FGFR1: variants seen among roughly 807,000 people sequenced by gnomAD.
FGFR1 encodes the protein FGFR1/PLAG1 fusion.
In FGFR1, 18 loss-of-function variants were observed where a neutral mutation model predicts 93.7. The ratio of observed to expected loss-of-function variants is 0.19; its 90% CI spans 0.13 to 0.28. The LOEUF is 0.28. Ranked by LOEUF, FGFR1 falls within the 10% of genes least tolerant of loss-of-function variation. The probability of loss-of-function intolerance (pLI) is 1.00; values close to 1 mark genes in which losing one functional copy is unlikely to be tolerated. For missense variants in FGFR1, 731 were observed against 1,080.4 expected, an observed-to-expected ratio of 0.68 and a Z score of 4.53; for synonymous variants, 448 against 429.3, an observed-to-expected ratio of 1.04 and a Z score of -0.54.
At chr8:38,414,354 C>T (rs1192808370) in intron 15 of FGFR1, 65 bp from the exon 16 acceptor site, 2 of 1,611,350 alleles carry the variant, frequency 1.2e-6, no homozygotes, top group Non-Finnish European at 1.7e-6. Context: ...CAGCACAAAT[C>T]CTCTACCCAG....
At chr8:38,422,959 C>A in intron 7 of FGFR1, 1 of 762,236 alleles carries the variant, frequency 1.3e-6, no homozygotes, top group Non-Finnish European at 2.4e-6. Flanking sequence ...GGCTTCCCCG[C>A]CTGCCCCAGC....
At chr8:38,418,929 G>C (rs564635964) in intron 9 of FGFR1, among the ~76,000 whole-genome samples, 2 of 152,186 alleles carry the variant, frequency 1.3e-5, no homozygotes, top group Non-Finnish European at 2.9e-5. Flanking sequence ...GGAGGTCATT[G>C]ACTCATGGGG....
At chr8:38,433,153 C>T (rs2151012158) in intron 2 of FGFR1, among the ~76,000 whole-genome samples, 1 of 152,190 alleles carries the variant, frequency 6.6e-6, no homozygotes, top group Middle Eastern at 3.4e-3. Flanking sequence ...GCCTAGGCAA[C>T]ATAGTGAGAC....
At chr8:38,438,001 T>C (rs1027294161) in intron 2 of FGFR1, among the ~76,000 whole-genome samples, 4 of 152,152 alleles carry the variant, frequency 2.6e-5, no homozygotes, top group African/African-American at 9.7e-5. Context: ...CCATATATTA[T>C]CTAGGGATCC....
At chr8:38,456,715 C>T (rs774389154) in intron 2 of FGFR1, among the ~76,000 whole-genome samples, 8 of 152,162 alleles carry the variant, frequency 5.3e-5, no homozygotes, top group Non-Finnish European at 8.8e-5. Flanking sequence ...GGACTAGCAG[C>T]GTGCACCATC....
chr8:38,426,126 G>A lies in FGFR1; in HGVS notation c.741C>T (p.Val247=), dbSNP rs745325958. Residue 247 remains valine, a synonymous_variant, in exon 6 of 18, where the codon GTC becomes GTT. Coordinates refer to ENST00000447712, the MANE Select transcript of FGFR1 (RefSeq NM_023110.3). The surrounding 1 kb of genome is among the most constrained non-coding windows in gnomAD (Gnocchi z 4.1). ...CTGCTGCCTCTGCCCTCTTACCCAC[G>A]ACATCCAGCTGGTATGTGTGGTTGA... ...GSINHTYQLD[V]VERSPHRPIL... The A allele has an allele frequency of 4.0e-5, 65 of 1,613,920 alleles. No individual in the cohort carries two copies. The highest frequency in any genetic ancestry group is 1.1e-4 in the East Asian group (5 of 44,896).
At chr8:38,453,907 C>A (rs6996319) in intron 2 of FGFR1, among the ~76,000 whole-genome samples, 143,455 of 152,116 alleles carry the variant, frequency 0.94, 67,844 homozygotes, top group East Asian at 1. Context: ...ACCAACCAAC[C>A]AACAAACAAA....
At chr8:38,420,386 C>T (rs1285715231) in intron 8 of FGFR1, 1 of 152,460 alleles carries the variant, frequency 6.6e-6, no homozygotes, top group Non-Finnish European at 1.5e-5. Context: ...TATTCCTAGC[C>T]AAACCACAGG....
At chr8:38,446,846 C>T (rs766300644) in intron 2 of FGFR1, among the ~76,000 whole-genome samples, 4 of 152,188 alleles carry the variant, frequency 2.6e-5, no homozygotes, top group East Asian at 3.9e-4. Flanking sequence ...CTAGTTTATG[C>T]GTCCAGGCAA....
chr8:38,464,820 G>A (rs559272182), intron 1 of FGFR1, among the ~76,000 whole-genome samples: 1 of 152,288 alleles, frequency 6.6e-6, no homozygotes, highest in African/African-American at 2.4e-5. Flanking sequence ...ACTTTGCTAG[G>A]ATGTTCTATA....
chr8:38,438,967 G>C (rs1340515763), intron 2 of FGFR1, among the ~76,000 whole-genome samples: 4 of 152,132 alleles, frequency 2.6e-5, no homozygotes, highest in African/African-American at 9.7e-5. Flanking sequence ...TCCTGCCCCT[G>C]CGAGTCCAGC....
Position 38,421,403 on chromosome 8 carries a change from G to A in FGFR1, c.1081+394C>T, listed in dbSNP as rs796782649. On this transcript the variant is annotated intron_variant, in intron 8 of 17. Coordinates refer to ENST00000447712, the MANE Select transcript of FGFR1 (RefSeq NM_023110.3). ...CACCCCTGGGCTGAGCACTTGAGAA[G>A]GGAGAAGAGGTGTAGGGCCCTATCT... Among the ~76,000 whole-genome samples, 4 of 152,356 alleles carry A rather than the reference G, an allele frequency of 2.6e-5. No homozygotes were observed. The South Asian group carries it at 8.3e-4, about 32-fold the overall frequency.
intron 1 of FGFR1, among the ~76,000 whole-genome samples, chr8:38,461,460 G>A (rs1405089821): frequency 2.0e-5 from 3 of 152,004 alleles, no homozygotes; most frequent in Non-Finnish European, 4.4e-5. Context: ...TCAGCCTCCC[G>A]AGAAGCTGGG....
At chr8:38,443,852 G>A (rs1297524393) in intron 2 of FGFR1, among the ~76,000 whole-genome samples, 1 of 151,960 alleles carries the variant, frequency 6.6e-6, no homozygotes. Context: ...TCAGGAGTTC[G>A]AGACCAGCCT....
chr8:38,420,841 A>G (rs942205991), intron 8 of FGFR1, among the ~76,000 whole-genome samples: 1 of 152,204 alleles, frequency 6.6e-6, no homozygotes, highest in African/African-American at 2.4e-5. Context: ...TGACAAGGAG[A>G]CAGCAGAGCT....
At position 38,413,981 on chromosome 8, in the gene FGFR1, C is replaced by CT. The variant is rs1398862886; in HGVS notation, c.2228dup (p.Arg744GlufsTer56). On this transcript the variant is annotated frameshift_variant, in exon 17 of 18. Transcript: ENST00000447712. LOFTEE classifies it high-confidence loss of function. This position sits in a 1 kb window ranked among gnomAD's most constrained non-coding sequence, Gnocchi z 4.2. ...CCACCAGCTGCTTGAAGGTGGGTCT[C>CT]TGTGAGGGCACTGCATGCCAGCAGT... The CT allele has an allele frequency of 6.2e-7, 1 of 1,613,998 alleles. No homozygotes were observed. Among genetic ancestry groups the CT allele is most frequent in the Non-Finnish European group, 8.5e-7 (1 of 1,180,008 alleles).
intron 9 of FGFR1, 81 bp from the exon 10 acceptor site, chr8:38,418,454 A>G (rs1397738928): frequency 1.4e-6 from 2 of 1,472,728 alleles, no homozygotes; most frequent in East Asian, 2.4e-5. Flanking sequence ...GGGCTTCCCA[A>G]CAATGGCAGA....
At chr8:38,466,981 A>T (rs1437403258) in intron 1 of FGFR1, among the ~76,000 whole-genome samples, 1 of 151,646 alleles carries the variant, frequency 6.6e-6, no homozygotes, top group African/African-American at 2.4e-5. Context: ...CAAGGTCCAT[A>T]AAATTCCTCC....
chr8:38,417,629 C>G (rs1047271300), intron 11 of FGFR1: 1 of 716,716 alleles, frequency 1.4e-6, no homozygotes, highest in African/African-American at 1.7e-5. Flanking sequence ...GGAAAGCCTG[C>G]AAGCGATGGA....
Sources: allele counts gnomAD v4.1 joint callset (sites outside exome capture counted in the v4.1 genomes callset), GRCh38; gene constraint gnomAD v4.1.1; non-coding constraint Gnocchi (gnomAD v3.1); transcripts MANE v1.5; gene names NCBI Gene and HGNC (gene_info 2026-07-23, HGNC 2026-07-21).